The following CNTNAP2 variants were observed in gnomAD, a reference collection of about 807,000 sequenced individuals.
CNTNAP2 encodes contactin-associated protein-like 2.
CNTNAP2 carries 98 observed loss-of-function variants against 155.2 expected under a neutral mutation model. The observed-to-expected ratio is 0.63, with a 90% CI of 0.54 to 0.75. CNTNAP2 has a LOEUF of 0.75. Among genes scored for constraint, CNTNAP2 ranks in the 30% least tolerant of loss-of-function variants. The pLI is 0.00. For synonymous variants in CNTNAP2, 651 were observed against 631.2 expected, an observed-to-expected ratio of 1.03 and a Z score of -0.47; for missense variants, 1,727 against 1,688.1, an observed-to-expected ratio of 1.02 and a Z score of -0.40.
At chr7:146,442,814 A>G (rs2535750) in intron 1 of CNTNAP2, among the ~76,000 whole-genome samples, 65,371 of 151,966 alleles carry the variant, frequency 0.43, 17,025 homozygotes, top group African/African-American at 0.73. Flanking sequence ...GAGTGTAAGC[A>G]CTAAGCATTC....
At chr7:147,141,717 T>G (rs1227463605) in intron 8 of CNTNAP2, among the ~76,000 whole-genome samples, 3 of 152,090 alleles carry the variant, frequency 2.0e-5, no homozygotes, top group Non-Finnish European at 4.4e-5. Flanking sequence ...TCACACAGGA[T>G]CAGGTACTGT....
At chr7:147,403,272 T>C (rs826658) in intron 10 of CNTNAP2, among the ~76,000 whole-genome samples, 19,398 of 152,236 alleles carry the variant, frequency 0.13, 1,505 homozygotes, top group East Asian at 0.32. Context: ...CCTTTCCAGA[T>C]GGAACCAACA....
intron 12 of CNTNAP2, among the ~76,000 whole-genome samples, chr7:147,604,907 A>T (rs1038401134): frequency 1.3e-5 from 2 of 152,202 alleles, no homozygotes; most frequent in Admixed American, 6.5e-5. Flanking sequence ...AATAGACATC[A>T]TATTATTCCC....
intron 5 of CNTNAP2, among the ~76,000 whole-genome samples, chr7:147,118,728 GGTAA>G (rs1801040181): frequency 6.6e-6 from 1 of 151,952 alleles, no homozygotes; most frequent in Non-Finnish European, 1.5e-5. Flanking sequence ...GTAAAAAACT[GGTAA>G]GTATTTGCAT....
At chr7:146,974,953 CAGAG>C (rs747117725) in intron 3 of CNTNAP2, among the ~76,000 whole-genome samples, 9 of 152,148 alleles carry the variant, frequency 5.9e-5, no homozygotes, top group East Asian at 5.8e-4. Context: ...GTCTGGGTGA[CAGAG>C]AGAGACTCTA....
intron 1 of CNTNAP2, among the ~76,000 whole-genome samples, chr7:146,296,891 A>G (rs961349293): frequency 2.0e-5 from 3 of 152,072 alleles, no homozygotes; most frequent in Non-Finnish European, 4.4e-5. Context: ...AAAGTTCTTA[A>G]TCATTTTTAG....
At chr7:147,828,774 TC>T (rs1213267472) in intron 13 of CNTNAP2, among the ~76,000 whole-genome samples, 1 of 152,184 alleles carries the variant, frequency 6.6e-6, no homozygotes, top group African/African-American at 2.4e-5. Flanking sequence ...GTCTTAAATG[TC>T]CTAGTTTCTC....
chr7:146,551,366 C>T (rs2129142790), intron 1 of CNTNAP2, among the ~76,000 whole-genome samples: 1 of 152,110 alleles, frequency 6.6e-6, no homozygotes, highest in East Asian at 1.9e-4. Context: ...TCAATTCCCA[C>T]CTATGAGTGA....
intron 21 of CNTNAP2, among the ~76,000 whole-genome samples, chr7:148,360,562 A>C (rs1798600351): frequency 6.9e-6 from 1 of 145,048 alleles, no homozygotes; most frequent in East Asian, 1.9e-4. Context: ...AAACACTTTT[A>C]AAAACTTAAA....
intron 20 of CNTNAP2, among the ~76,000 whole-genome samples, chr7:148,239,396 A>G (rs1563007279): frequency 6.6e-6 from 1 of 152,236 alleles, no homozygotes. Context: ...GATATAGAAG[A>G]TCTATGGGAA....
chr7:146,428,692 T>G (rs1796130011), intron 1 of CNTNAP2, among the ~76,000 whole-genome samples: 1 of 152,108 alleles, frequency 6.6e-6, no homozygotes, highest in Non-Finnish European at 1.5e-5. Flanking sequence ...TCTCCCATTT[T>G]GTAGTTTGTC....
intron 21 of CNTNAP2, among the ~76,000 whole-genome samples, chr7:148,280,850 C>T (rs1295302903): frequency 4.0e-5 from 6 of 151,258 alleles, no homozygotes; most frequent in Admixed American, 2.0e-4. Flanking sequence ...ACCTAGGAGA[C>T]GGAAGTTGCA....
chr7:146,937,082 C>T (rs945458606), intron 3 of CNTNAP2, among the ~76,000 whole-genome samples: 3 of 151,910 alleles, frequency 2.0e-5, no homozygotes, highest in African/African-American at 4.8e-5. Context: ...GTTCTCACAT[C>T]GAGGGATTTA....
At chr7:146,239,126 G>A (rs543859798) in intron 1 of CNTNAP2, among the ~76,000 whole-genome samples, 1 of 152,286 alleles carries the variant, frequency 6.6e-6, no homozygotes, top group South Asian at 2.1e-4. Flanking sequence ...TCACAGAATT[G>A]TGAGTAGCAA....
Position 147,505,908 on chromosome 7 carries a change from C to A in CNTNAP2, c.1777+19867C>A, listed in dbSNP as rs1011958916. Reference sequence around the variant, plus strand: ...AGATCAGAGTCAAATGGGTTTGGATCAGATCTTGTAACGAGAATGTGTCAC... The same window carrying A: ...AGATCAGAGTCAAATGGGTTTGGATAAGATCTTGTAACGAGAATGTGTCAC... On this transcript the variant is annotated intron_variant, in intron 11 of 23. Coordinates refer to ENST00000361727, the MANE Select transcript of CNTNAP2 (RefSeq NM_014141.6). Among the ~76,000 whole-genome samples the A allele has an allele frequency of 1.0e-3, 152 of 151,910 alleles. 4 individuals carry two copies. Among genetic ancestry groups the A allele is most frequent in the Admixed American group, 9.8e-3 (150 of 15,248 alleles).
chr7:146,780,703 T>G (rs1373190681), intron 2 of CNTNAP2, among the ~76,000 whole-genome samples: 3 of 151,884 alleles, frequency 2.0e-5, no homozygotes, highest in Non-Finnish European at 2.9e-5. Context: ...TAGAAAAGAA[T>G]AAGTTCATGT....
intron 11 of CNTNAP2, among the ~76,000 whole-genome samples, chr7:147,505,470 G>C (rs189623073): frequency 7.2e-5 from 11 of 152,214 alleles, no homozygotes; most frequent in Non-Finnish European, 1.6e-4. Flanking sequence ...ACTATGTAGT[G>C]TACACACTAA....
At chr7:147,125,219 G>A (rs776008889) in intron 6 of CNTNAP2, among the ~76,000 whole-genome samples, 4 of 152,064 alleles carry the variant, frequency 2.6e-5, no homozygotes, top group Non-Finnish European at 4.4e-5. Flanking sequence ...GTTTCACCAT[G>A]TCGACCAGGA....
rs181751128 is a variant in CNTNAP2 at position 147,024,293 on chromosome 7, G to A, written c.403-19614G>A. On this transcript the variant is annotated intron_variant, in intron 3 of 23. Coordinates refer to ENST00000361727, the MANE Select transcript of CNTNAP2 (RefSeq NM_014141.6). ...ATCGCAATTGCAATGGTGGTTACAC[G>A]AATCTATGCAACTGGTAAAACCTGT... Among the ~76,000 whole-genome samples the A allele has an allele frequency of 3.0e-4, 45 of 152,174 alleles. 1 individual carries two copies. The highest frequency in any genetic ancestry group is 2.1e-3 in the Admixed American group (32 of 15,286).
Sources: gnomAD v4.1 joint callset for allele counts (sites outside exome capture counted in the v4.1 genomes callset) on GRCh38, gnomAD v4.1.1 for gene constraint, MANE v1.5 for transcripts, NCBI Gene and HGNC (gene_info 2026-07-23, HGNC 2026-07-21) for gene names.